The following TTL variants were observed in gnomAD, a reference collection of about 807,000 sequenced individuals.
TTL encodes the protein tubulin tyrosine ligase, also known as tubulin--tyrosine ligase.
In TTL, 10 loss-of-function variants were observed where a neutral mutation model predicts 41.1. That is an observed-to-expected ratio of 0.24 (90% CI 0.15 to 0.41). The LOEUF is 0.41. TTL is among the 10% of genes least tolerant of loss of function. TTL has a pLI of 1.00. For synonymous variants in TTL, 175 were observed against 175.5 expected (o/e 1.00, Z 0.02); for missense variants, 367 against 460.4 (o/e 0.80, Z 1.86).
intron 5 of TTL, among the ~76,000 whole-genome samples, chr2:112,511,228 C>T (rs138921046): frequency 6.6e-6 from 1 of 151,672 alleles, no homozygotes; most frequent in Non-Finnish European, 1.5e-5. Flanking sequence ...AAGCTGGTCT[C>T]GAACTCTTGG....
At chr2:112,528,185 A>G (rs935592494) in intron 6 of TTL, among the ~76,000 whole-genome samples, 17 of 152,188 alleles carry the variant, frequency 1.1e-4, no homozygotes, top group Admixed American at 1.3e-4. Context: ...GAGATCCGCT[A>G]TTAGTCTGAT....
At chr2:112,512,412 G>A (rs955822069) in intron 5 of TTL, among the ~76,000 whole-genome samples, 15 of 151,994 alleles carry the variant, frequency 9.9e-5, no homozygotes, top group Non-Finnish European at 2.1e-4. Context: ...ACAGGCGCCC[G>A]CCACCATGCC....
At chr2:112,498,316 T>C (rs1464763442) in intron 3 of TTL, among the ~76,000 whole-genome samples, 3 of 151,834 alleles carry the variant, frequency 2.0e-5, no homozygotes. Context: ...GAGCAAAAAT[T>C]CCGTCTAAAA....
At chr2:112,492,478 C>G (rs970829939) in intron 2 of TTL, among the ~76,000 whole-genome samples, 5 of 151,254 alleles carry the variant, frequency 3.3e-5, no homozygotes, top group African/African-American at 1.2e-4. Context: ...CGCCTGTAAT[C>G]CCAGCACTTT....
intron 2 of TTL, 54 bp from the exon 3 acceptor site, chr2:112,494,089 G>C: frequency 7.0e-7 from 1 of 1,428,400 alleles, no homozygotes; most frequent in South Asian, 1.2e-5. Context: ...CTTTCTGAAG[G>C]GAGTGACAAA....
intron 2 of TTL, among the ~76,000 whole-genome samples, chr2:112,493,072 G>A (rs1380189100): frequency 6.6e-6 from 1 of 152,098 alleles, no homozygotes; most frequent in Non-Finnish European, 1.5e-5. Context: ...GTTCCTTCAA[G>A]TTCAAGTAGC....
At chr2:112,514,381 C>CA (rs111264304) in intron 5 of TTL, among the ~76,000 whole-genome samples, 325 of 133,898 alleles carry the variant, frequency 2.4e-3, no homozygotes, top group Non-Finnish European at 2.9e-3. Flanking sequence ...GACTCTGTTT[C>CA]AAAAAAAAAA....
At chr2:112,517,786 C>CA (rs1682110152) in intron 5 of TTL, among the ~76,000 whole-genome samples, 1 of 150,434 alleles carries the variant, frequency 6.6e-6, no homozygotes, top group South Asian at 2.1e-4. Context: ...CCAAAAGTTA[C>CA]AAAAAAAATT....
rs1433584884 is a variant in TTL at position 112,482,530 on chromosome 2, C to G, written c.157+29C>G. ...AGCCCCTCCCCGATTCCCGTCTGCC[C>G]TCCTCGGAGCGGCCCTGCGCGCCTC... On this transcript the variant is annotated intron_variant, in intron 1 of 6. Transcript: ENST00000233336. This position sits in a 1 kb window ranked among gnomAD's most constrained non-coding sequence, Gnocchi z 5.3. 6 of 1,571,452 alleles carry G rather than the reference C, an allele frequency of 3.8e-6. No individual in the cohort carries two copies. In the Admixed American group the frequency reaches 1.1e-4, roughly 28 times the overall value.
intron 5 of TTL, among the ~76,000 whole-genome samples, chr2:112,519,489 T>C (rs905235653): frequency 6.6e-6 from 1 of 151,738 alleles, no homozygotes; most frequent in African/African-American, 2.4e-5. Context: ...AGCTCTTAAA[T>C]CTTGTAATTA....
chr2:112,496,967 C>G (rs1368884382), intron 3 of TTL, among the ~76,000 whole-genome samples: 1 of 151,942 alleles, frequency 6.6e-6, no homozygotes, highest in African/African-American at 2.4e-5. Context: ...ACTACAGGTA[C>G]CAGCCACCAC....
In TTL at chr2:112,531,275, T is replaced by C. The variant is rs1243296368; in HGVS notation, c.*2480T>C. ...TCATACTTTTGGTCCATGTAAGTGC[T>C]ACCCGTTGCTGGGGGAGGAGTCATG... On this transcript the variant is annotated 3_prime_UTR_variant, in exon 7 of 7. Coordinates refer to ENST00000233336, the MANE Select transcript of TTL (RefSeq NM_153712.5). The C allele has an allele frequency of 4.4e-6, 1 of 226,938 alleles. No homozygotes were observed. The highest frequency in any genetic ancestry group is 8.8e-6 in the Non-Finnish European group (1 of 113,930). The allele number at this position is 226,938 out of a possible 1,614,324, so 14.1% of individuals were successfully genotyped here. A position where few individuals can be genotyped will look rare whatever the true frequency, so the allele number is the denominator to read the frequency against.
intron 5 of TTL, among the ~76,000 whole-genome samples, chr2:112,503,703 A>T: frequency 7.9e-6 from 1 of 126,976 alleles, no homozygotes. Flanking sequence ...TTTATCATAG[A>T]TTCAAAATTT....
chr2:112,483,205 G>A (rs572626137), intron 1 of TTL: 55 of 152,378 alleles, frequency 3.6e-4, no homozygotes, highest in African/African-American at 1.3e-3. Context: ...TGCTCTCCCC[G>A]AGGGAATTAC....
rs61733584 is a variant in TTL, at chr2:112,494,303, G to T, written c.397G>T (p.Ala133Ser). ...SRTDEREFFL[A>S]SYNRKKEDGE... ...GACAGATGAAAGAGAATTCTTTCTC[G>T]CCTCTTATAACAGAAAGAAAGAGGA... The change falls in exon 3 of 7, where the codon GCC becomes TCC. Residue 133 changes from alanine (A) to serine (S), a missense_variant. Ala to Ser is a moderately conservative substitution (Grantham distance 99). Coordinates refer to ENST00000233336, the MANE Select transcript of TTL (RefSeq NM_153712.5). The T allele has an allele frequency of 1.2e-6, 2 of 1,614,122 alleles. No homozygotes were observed. The highest frequency in any genetic ancestry group is 1.1e-5 in the South Asian group (1 of 91,084).
intron 5 of TTL, among the ~76,000 whole-genome samples, chr2:112,510,630 C>A (rs1681897317): frequency 6.6e-6 from 1 of 152,086 alleles, no homozygotes. Flanking sequence ...TGCCACCATG[C>A]CTGGCTAATT....
chr2:112,515,173 TC>T (rs1302368298), intron 5 of TTL, among the ~76,000 whole-genome samples: 1 of 152,218 alleles, frequency 6.6e-6, no homozygotes, highest in African/African-American at 2.4e-5. Context: ...ATCTGATAAC[TC>T]CAAAATCTAG....
chr2:112,494,570 A>C (rs1303723095), intron 3 of TTL, among the ~76,000 whole-genome samples, 195 bp downstream of exon 3: 1 of 152,144 alleles, frequency 6.6e-6, no homozygotes. Context: ...TAAGCTCTAG[A>C]TCCATTGACA....
chr2:112,501,246 C>G lies in TTL; in HGVS notation c.510C>G (p.Leu170=), dbSNP rs768811629. 1.1e-5 allele frequency: 17 copies of G among 1,613,664 alleles called. No homozygotes were observed. Among genetic ancestry groups the G allele is most frequent in the Non-Finnish European group, 1.4e-5 (16 of 1,179,798 alleles). The change falls in exon 4 of 7, where the codon CTC becomes CTG. Residue 170 remains leucine, a synonymous_variant. Coordinates refer to ENST00000233336, the MANE Select transcript of TTL (RefSeq NM_153712.5). ...ILISSEASEL[L]DFIDNQGQVH... is the part of the protein sequence containing the mutation. ...TCTCCTCAGAGGCTTCAGAGCTTCT[C>G]GATTTCATAGACAACCAGGGCCAAG...
Sources: allele counts gnomAD v4.1 joint callset (sites outside exome capture counted in the v4.1 genomes callset), GRCh38; gene constraint gnomAD v4.1.1; non-coding constraint Gnocchi (gnomAD v3.1); transcripts MANE v1.5; gene names NCBI Gene and HGNC (gene_info 2026-07-23, HGNC 2026-07-21).